Variants in SCAF11 observed in about 807,000 individuals in gnomAD.
The protein encoded by SCAF11 is SR-related CTD associated factor 11, also known as protein SCAF11.
In SCAF11, 47 loss-of-function variants were observed where a neutral mutation model predicts 140.5. The observed-to-expected ratio is 0.33, with a 90% CI of 0.26 to 0.43. The LOEUF (loss-of-function observed/expected upper bound fraction) is 0.43, where lower values mean the gene tolerates loss of function less well. Among genes scored for constraint, SCAF11 ranks in the 20% least tolerant of loss-of-function variants. The probability of loss-of-function intolerance (pLI) is 1.00; values close to 1 mark genes in which losing one functional copy is unlikely to be tolerated. For synonymous variants in SCAF11, 557 were observed against 579.4 expected (o/e 0.96, Z 0.55); for missense variants, 1,645 against 1,705.1 (o/e 0.96, Z 0.62).
In SCAF11 at chr12:45,926,876, G is replaced by T; in HGVS notation, c.2825C>A (p.Pro942His). 3 of 1,613,792 alleles carry T rather than the reference G, an allele frequency of 1.9e-6. No individual in the cohort carries two copies. The highest frequency in any genetic ancestry group is 2.5e-6 in the Non-Finnish European group (3 of 1,179,992). Reference sequence around the variant, plus strand: ...CTTACTTTTTGTTCTACATCTTGAGGGGGACCTAGAATGAGATCTGGACCT... The same window carrying T: ...CTTACTTTTTGTTCTACATCTTGAGTGGGACCTAGAATGAGATCTGGACCT... ...WSRSRSHSRSPSRCRTKSKSS... is the reference protein window; with the variant it reads ...WSRSRSHSRSHSRCRTKSKSS... The change falls in exon 11 of 15, where the codon CCC becomes CAC. Residue 942 changes from proline to histidine, a missense_variant. By Grantham distance (77) the Pro-to-His change is moderately conservative. Around this residue, in one of 2 missense-constraint regions of SCAF11, gnomAD observed 1,582 missense variants for 1,609.2 expected, o/e 0.98. Transcript: ENST00000369367.
intron 4 of SCAF11, among the ~76,000 whole-genome samples, chr12:45,949,970 G>A (rs1436033207): frequency 2.6e-5 from 4 of 152,112 alleles, no homozygotes; most frequent in African/African-American, 9.7e-5. Flanking sequence ...AAAAGGAACA[G>A]GAGGGTAGGG....
intron 1 of SCAF11, among the ~76,000 whole-genome samples, chr12:45,989,382 T>C (rs1384009138): frequency 6.6e-6 from 1 of 152,204 alleles, no homozygotes; most frequent in African/African-American, 2.4e-5. Context: ...CTTAAGTATC[T>C]TAGGTCAGTG....
chr12:45,929,148 ATTTT>A, intron 10 of SCAF11: 1 of 155,532 alleles, frequency 6.4e-6, no homozygotes, highest in Non-Finnish European at 1.4e-5. Flanking sequence ...TACTTGCTTA[ATTTT>A]TTTTTTTTTT....
chr12:45,945,883 G>C (rs185873208), intron 5 of SCAF11, among the ~76,000 whole-genome samples: 345 of 151,754 alleles, frequency 2.3e-3, no homozygotes, highest in Middle Eastern at 3.4e-3. Flanking sequence ...CTAGACACGA[G>C]GTCTCACTAT....
intron 1 of SCAF11, 126 bp from the exon 2 acceptor site, chr12:45,964,314 T>G (rs1226107631): frequency 6.9e-6 from 4 of 577,026 alleles, no homozygotes; most frequent in Admixed American, 6.3e-5. Context: ...CCAAGCCAGT[T>G]TGTGGATAAT....
chr12:45,923,612 A>G (rs1944767417), intron 12 of SCAF11, among the ~76,000 whole-genome samples: 1 of 152,090 alleles, frequency 6.6e-6, no homozygotes, highest in African/African-American at 2.4e-5. Context: ...CCCAAATACT[A>G]AAATCCAATT....
At chr12:45,930,445 GTTT>G (rs1262102132) in intron 10 of SCAF11, among the ~76,000 whole-genome samples, 1 of 123,720 alleles carries the variant, frequency 8.1e-6, no homozygotes, top group Non-Finnish European at 1.7e-5. Context: ...GTTGTGTTTT[GTTT>G]TTTTTTTGTT....
chr12:45,963,811 CT>C (rs1047914233), intron 2 of SCAF11, among the ~76,000 whole-genome samples: 3 of 152,070 alleles, frequency 2.0e-5, no homozygotes, highest in Admixed American at 6.6e-5. Flanking sequence ...CCAACGCTAA[CT>C]TTTTTTCTTT....
chr12:45,970,140 C>T (rs1354148442), intron 1 of SCAF11, among the ~76,000 whole-genome samples: 2 of 152,166 alleles, frequency 1.3e-5, no homozygotes, highest in African/African-American at 2.4e-5. Flanking sequence ...GTGATCCACC[C>T]GCCTTGGCCT....
In SCAF11 at chr12:45,921,942, C is replaced by A; in HGVS notation, c.*106G>T. The A allele has an allele frequency of 7.3e-7, 1 of 1,370,398 alleles. No homozygotes were observed. Among genetic ancestry groups the A allele is most frequent in the Middle Eastern group, 1.9e-4 (1 of 5,328 alleles). 84.9% of individuals were successfully genotyped at this position (1,370,398 alleles called of 1,614,324 possible). ...TCCTATGTTAAAAAAATAATTTTAT[C>A]AAAACCAAATTTCAATCACAGTTAT... On this transcript the variant is annotated 3_prime_UTR_variant, in exon 15 of 15. Transcript: ENST00000369367.
At chr12:45,983,605 C>A (rs1946393363) in intron 1 of SCAF11, among the ~76,000 whole-genome samples, 1 of 151,986 alleles carries the variant, frequency 6.6e-6, no homozygotes. Context: ...CTGCTATTAC[C>A]ACTGGACTTA....
chr12:45,921,976 T>A lies in SCAF11; in HGVS notation c.*72A>T. 6.7e-7 allele frequency: 1 copy of A among 1,490,394 alleles called. No individual in the cohort carries two copies. The highest frequency in any genetic ancestry group is 1.8e-4 in the Middle Eastern group (1 of 5,604). 92.3% of individuals were successfully genotyped at this position (1,490,394 alleles called of 1,614,324 possible). On this transcript the variant is annotated 3_prime_UTR_variant, in exon 15 of 15. Transcript: ENST00000369367. ...ATTTCAATCACAGTTATGTATGATT[T>A]TCAGTTAATGGTACATGTTGAAATT...
chr12:45,945,215 A>T (rs374357737), intron 6 of SCAF11, 34 bp downstream of exon 6: 75 of 1,331,658 alleles, frequency 5.6e-5, no homozygotes, highest in Non-Finnish European at 7.6e-5. Flanking sequence ...ACAACAAAAA[A>T]AAAGGTAGAA....
intron 1 of SCAF11, among the ~76,000 whole-genome samples, chr12:45,990,135 G>C (rs928188163): frequency 6.6e-6 from 1 of 151,764 alleles, no homozygotes; most frequent in South Asian, 2.1e-4. Flanking sequence ...GCAGCGAGAG[G>C]GAAAGGGGCC....
chr12:45,974,114 TTTATA>T (rs1458423082), intron 1 of SCAF11: 2 of 453,540 alleles, frequency 4.4e-6, no homozygotes, highest in Non-Finnish European at 9.1e-6. Flanking sequence ...AGTATATATG[TTTATA>T]TTATACTGTA....
chr12:45,938,247 T>C (rs1945214273), intron 6 of SCAF11, among the ~76,000 whole-genome samples: 1 of 152,176 alleles, frequency 6.6e-6, no homozygotes, highest in South Asian at 2.1e-4. Context: ...CCCAGCACTC[T>C]GGGAGGCCGA....
intron 1 of SCAF11, among the ~76,000 whole-genome samples, chr12:45,971,157 T>C (rs935177801): frequency 2.6e-5 from 4 of 152,224 alleles, no homozygotes; most frequent in African/African-American, 9.6e-5. Flanking sequence ...CCTGCTTCCT[T>C]CTTCATTTAA....
intron 6 of SCAF11, among the ~76,000 whole-genome samples, chr12:45,943,031 G>A (rs1377849330): frequency 6.6e-6 from 1 of 152,116 alleles, no homozygotes; most frequent in Non-Finnish European, 1.5e-5. Context: ...TATTGAGTAT[G>A]AATCTAGAAT....
At position 45,922,583 on chromosome 12, in the gene SCAF11, C is replaced by G; in HGVS notation, c.4126-1G>C. The stretch of plus-strand genomic sequence containing the variant: ...CTGCTTTTTCTTGAATTTGCAATTT[C>G]TGATGAGAAGAAAATGTATAATTTA... On this transcript the variant is annotated splice_acceptor_variant, in intron 13 of 14. Transcript: ENST00000369367. LOFTEE classifies it high-confidence loss of function. 6.3e-7 allele frequency: 1 copy of G among 1,585,592 alleles called. No individual in the cohort carries two copies. Among genetic ancestry groups the G allele is most frequent in the Non-Finnish European group, 8.5e-7 (1 of 1,173,840 alleles).
Sources: gnomAD v4.1 joint callset for allele counts (sites outside exome capture counted in the v4.1 genomes callset) on GRCh38, gnomAD v4.1.1 for gene constraint, gnomAD v4.1.1 regional missense constraint, MANE v1.5 for transcripts, NCBI Gene and HGNC (gene_info 2026-07-23, HGNC 2026-07-21) for gene names.